The following NBL1 variants were observed in gnomAD, a reference collection of about 807,000 sequenced individuals.
NBL1 encodes NBL1, DAN family BMP antagonist, also known as neuroblastoma suppressor of tumorigenicity 1.
A neutral mutation model predicts 16.0 loss-of-function variants in NBL1; 9 were observed. That is an observed-to-expected ratio of 0.56 (90% CI 0.34 to 0.98). NBL1 has a LOEUF of 0.98. Among genes scored for constraint, NBL1 ranks in the 50% least tolerant of loss-of-function variants. The pLI is 0.02. For missense variants in NBL1, 196 were observed against 243.1 expected, an observed-to-expected ratio of 0.81 and a Z score of 1.29; for synonymous variants, 86 against 100.7, an observed-to-expected ratio of 0.85 and a Z score of 0.87.
chr1:19,647,578 G>A, intron 1 of NBL1: 1 of 984,992 alleles, frequency 1.0e-6, no homozygotes, highest in Non-Finnish European at 1.2e-6. Flanking sequence ...AGGCAGGGGA[G>A]GGGGAGCATC....
At chr1:19,648,912 A>G (rs1314209450) in intron 1 of NBL1, among the ~76,000 whole-genome samples, 2 of 152,118 alleles carry the variant, frequency 1.3e-5, no homozygotes, top group African/African-American at 4.8e-5. Flanking sequence ...CATGGCCACA[A>G]GACGGTTGGC....
chr1:19,650,912 A>G (rs2095020697), intron 1 of NBL1, among the ~76,000 whole-genome samples: 1 of 152,106 alleles, frequency 6.6e-6, no homozygotes, highest in South Asian at 2.1e-4. Flanking sequence ...GTGTGTCTGG[A>G]TGACAGCCGT....
intron 1 of NBL1, chr1:19,646,027 G>C (rs1320252009): frequency 6.4e-7 from 1 of 1,550,650 alleles, no homozygotes. Context: ...GGGCAGGAGG[G>C]TCTGCGGTAA....
At chr1:19,645,858 G>A in intron 1 of NBL1, 3 of 1,518,872 alleles carry the variant, frequency 2.0e-6, no homozygotes, top group Non-Finnish European at 1.8e-6. Flanking sequence ...GCTGAGTTTA[G>A]CTGCTTCCCC....
intron 3 of NBL1, among the ~76,000 whole-genome samples, chr1:19,655,738 C>T (rs949151038): frequency 4.6e-5 from 7 of 152,238 alleles, no homozygotes; most frequent in African/African-American, 1.4e-4. Flanking sequence ...AATCTTTGCC[C>T]TGTCCCGAGA....
At chr1:19,649,190 A>C (rs1482449189) in intron 1 of NBL1, among the ~76,000 whole-genome samples, 1 of 152,060 alleles carries the variant, frequency 6.6e-6, no homozygotes, top group East Asian at 1.9e-4. Context: ...CTAACAGTGT[A>C]AGCCCAAGCA....
chr1:19,658,091 T>TGA lies in NBL1; in HGVS notation c.*963_*964dup, dbSNP rs1274287777. 6.5e-6 allele frequency: 1 copy of TGA among 152,786 alleles called. No homozygotes were observed. Among genetic ancestry groups the TGA allele is most frequent in the East Asian group, 1.9e-4 (1 of 5,196 alleles). The allele number at this position is 152,786 out of a possible 1,614,324, so 9.5% of individuals were successfully genotyped here. On this transcript the variant is annotated 3_prime_UTR_variant, in exon 4 of 4. Transcript: ENST00000375136. ...GAGGCCCTAGGCGGGATGGGCTCGCTGAACCTCGAGGAACTCCAGGACGAG... is the reference window on the plus strand; with the variant it reads ...GAGGCCCTAGGCGGGATGGGCTCGCTGAGAACCTCGAGGAACTCCAGGACGAG...
At chr1:19,646,461 G>A (rs976754988) in intron 1 of NBL1, among the ~76,000 whole-genome samples, 6 of 152,204 alleles carry the variant, frequency 3.9e-5, no homozygotes, top group Admixed American at 6.6e-5. Flanking sequence ...CAGGAAACCC[G>A]GTTGGGCTGA....
intron 3 of NBL1, 99 bp downstream of exon 3, chr1:19,655,534 G>A: frequency 7.2e-7 from 1 of 1,382,564 alleles, no homozygotes; most frequent in African/African-American, 1.4e-5. Context: ...ATGGCCACAG[G>A]GCCTTAGAAA....
rs769746888 is a variant in NBL1, at chr1:19,655,372, A to C, written c.219A>C (p.Pro73=). 15 of 1,613,936 alleles carry C rather than the reference A, an allele frequency of 9.3e-6. No homozygotes were observed. The highest frequency in any genetic ancestry group is 1.3e-5 in the Non-Finnish European group (15 of 1,179,986). Residue 73 remains proline (P), a synonymous_variant, in exon 3 of 4, where the codon CCA becomes CCC. Transcript: ENST00000375136. The part of the protein sequence containing the change: ...CFSYSVPNTF[P]QSTESLVHCD... ...GCTACAGCGTCCCCAACACCTTCCCACAGTCCACAGAGTCCCTGGTTCACT... is the reference window on the plus strand; with the variant it reads ...GCTACAGCGTCCCCAACACCTTCCCCCAGTCCACAGAGTCCCTGGTTCACT...
rs116304476 is a variant in NBL1 at position 19,657,743 on chromosome 1, G to C, written c.*614G>C. 1,796 of 152,848 alleles carry C rather than the reference G, an allele frequency of 0.012. 21 individuals carry two copies. Among genetic ancestry groups the C allele is most frequent in the South Asian group, 0.03 (144 of 4,824 alleles). The allele number at this position is 152,848 out of a possible 1,614,324, so 9.5% of individuals were successfully genotyped here. ...GGGCAGGACCCTGCTGACTCGTGGCGCGGGAGCTGGGAGCCAGGCTCTCCG... is the reference window on the plus strand; with the variant it reads ...GGGCAGGACCCTGCTGACTCGTGGCCCGGGAGCTGGGAGCCAGGCTCTCCG... On this transcript the variant is annotated 3_prime_UTR_variant, in exon 4 of 4. Coordinates refer to ENST00000375136, the MANE Select transcript of NBL1 (RefSeq NM_005380.8).
intron 1 of NBL1, among the ~76,000 whole-genome samples, chr1:19,654,376 G>A (rs986950732): frequency 1.6e-4 from 25 of 152,288 alleles, no homozygotes; most frequent in African/African-American, 5.8e-4. Context: ...GCACTCCAGC[G>A]TGGGTGACCG....
rs2095063910 is a variant in NBL1, at chr1:19,657,709, G to A, written c.*580G>A. The A allele has an allele frequency of 6.5e-6, 1 of 152,744 alleles. No homozygotes were observed. Among genetic ancestry groups the A allele is most frequent in the South Asian group, 2.1e-4 (1 of 4,834 alleles). The allele number at this position is 152,744 out of a possible 1,614,324, so 9.5% of individuals were successfully genotyped here. A position where few individuals can be genotyped will look rare whatever the true frequency, so the allele number is the denominator to read the frequency against. On this transcript the variant is annotated 3_prime_UTR_variant, in exon 4 of 4. Transcript: ENST00000375136. ...CCTCCCTCAGCGGAGGGGTTTGGGA[G>A]TCAGGCCTGGGCAGGACCCTGCTGA...
chr1:19,645,957 A>G (rs959574038), intron 1 of NBL1: 3 of 1,550,526 alleles, frequency 1.9e-6, no homozygotes, highest in Non-Finnish European at 2.6e-6. Flanking sequence ...GCAGATGTGC[A>G]GCCTGGCCCT....
At chr1:19,643,381 A>G, upstream of NBL1, 2 of 1,613,924 alleles carry the variant, frequency 1.2e-6, no homozygotes, top group South Asian at 2.2e-5. This position sits in a 1 kb window ranked among gnomAD's most constrained non-coding sequence, Gnocchi z 4.7. Context: ...CAAGCTAGGT[A>G]AAACACATGG....
intron 3 of NBL1, among the ~76,000 whole-genome samples, chr1:19,655,729 A>C (rs987790198): frequency 6.6e-6 from 1 of 152,108 alleles, no homozygotes; most frequent in African/African-American, 2.4e-5. Context: ...TGAGACCAAA[A>C]TCTTTGCCCT....
intron 1 of NBL1, chr1:19,645,825 A>G: frequency 6.8e-7 from 1 of 1,476,694 alleles, no homozygotes; most frequent in Non-Finnish European, 9.0e-7. Context: ...ATATCGCCTC[A>G]TTATTTTAAA....
In NBL1 at chr1:19,657,108, G is replaced by A. The variant is rs1224762358; in HGVS notation, c.525G>A (p.Glu175=). The A allele has an allele frequency of 6.8e-7, 1 of 1,472,764 alleles. No homozygotes were observed. The highest frequency in any genetic ancestry group is 9.1e-7 in the Non-Finnish European group (1 of 1,096,452). 91.2% of individuals were successfully genotyped at this position (1,472,764 alleles called of 1,614,324 possible). A position where few individuals can be genotyped will look rare whatever the true frequency, so the allele number is the denominator to read the frequency against. ...ACCCCCCTGGGGCCCCCCACACAGA[G>A]GAAGAGGGGGCTGAGGACTGAGGCC... ...PEDPPGAPHT[E]EEGAED The change falls in exon 4 of 4, where the codon GAG becomes GAA. Residue 175 remains glutamate, a synonymous_variant. Transcript: ENST00000375136.
chr1:19,655,518 C>T, intron 3 of NBL1, 83 bp downstream of exon 3: 2 of 1,468,374 alleles, frequency 1.4e-6, no homozygotes, highest in South Asian at 1.2e-5. Flanking sequence ...TCCTGTATTC[C>T]AGCAGATGGC....
Sources: allele counts gnomAD v4.1 joint callset (sites outside exome capture counted in the v4.1 genomes callset), GRCh38; gene constraint gnomAD v4.1.1; non-coding constraint Gnocchi (gnomAD v3.1); transcripts MANE v1.5; gene names NCBI Gene and HGNC (gene_info 2026-07-23, HGNC 2026-07-21).